The following ZZEF1 variants were observed in gnomAD, a reference collection of about 807,000 sequenced individuals.
ZZEF1 encodes zinc finger ZZ-type and EF-hand domain-containing protein 1.
Under a neutral mutation model 342.8 loss-of-function variants are expected in ZZEF1, and 157 were observed. The observed-to-expected ratio is 0.46, with a 90% CI of 0.40 to 0.52. The LOEUF is 0.52. ZZEF1 is among the 20% of genes least tolerant of loss of function. The pLI is 0.00. For missense variants in ZZEF1, 3,480 were observed against 3,725.6 expected (o/e 0.93, Z 1.72); for synonymous variants, 1,505 against 1,429.1 (o/e 1.05, Z -1.20).
At chr17:4,059,840 TATC>T (rs1194169987) in intron 30 of ZZEF1, among the ~76,000 whole-genome samples, 2 of 152,262 alleles carry the variant, frequency 1.3e-5, no homozygotes, top group Admixed American at 6.5e-5. Flanking sequence ...TGGACCTTGT[TATC>T]ATGTGATGAC....
At chr17:4,122,580 A>G (rs2058501663) in intron 2 of ZZEF1, among the ~76,000 whole-genome samples, 1 of 152,094 alleles carries the variant, frequency 6.6e-6, no homozygotes, top group Admixed American at 6.6e-5. Flanking sequence ...GAGTTTCTCC[A>G]TGTTGGTCAG....
Position 4,112,732 on chromosome 17 carries a change from G to A in ZZEF1, c.943C>T (p.Gln315Ter). 6.2e-7 allele frequency: 1 copy of A among 1,613,944 alleles called. No homozygotes were observed. Among genetic ancestry groups the A allele is most frequent in the South Asian group, 1.1e-5 (1 of 91,062 alleles). The change falls in exon 5 of 55, where the codon CAG (glutamine) becomes TAG (stop). Residue 315 changes from glutamine to a stop codon, truncating the protein, a stop_gained. Coordinates refer to ENST00000381638, the MANE Select transcript of ZZEF1 (RefSeq NM_015113.4). LOFTEE classifies it high-confidence loss of function. Reference protein sequence around the residue: ...VAATDQSYMPQQVTVAVGRNA... With the variant: ...VAATDQSYMP ...CTCCCTACAGCTACTGTCACCTGCT[G>A]TGGCATGTAGCTCTGGTCAGTGGCA... is the stretch of plus-strand genomic sequence containing the variant.
chr17:4,086,643 T>C lies in ZZEF1; in HGVS notation c.2355A>G (p.Glu785=). Residue 785 remains glutamate, a synonymous_variant, in exon 15 of 55, where the codon GAA becomes GAG. Transcript: ENST00000381638. The stretch of plus-strand genomic sequence containing the variant: ...GAAGCAGGGTTTGGGCAGAGACGCA[T>C]TCTTCCCTCGGGCTACAGAAAGACA... ...YSKLKQNPRE[E]CVSAQTLLLQ... 6.2e-7 allele frequency: 1 copy of C among 1,613,822 alleles called. No individual in the cohort carries two copies. The highest frequency in any genetic ancestry group is 2.2e-5 in the East Asian group (1 of 44,892).
rs573325919 is a variant in ZZEF1 at position 4,105,439 on chromosome 17, T to C, written c.1394+254A>G. Among the ~76,000 whole-genome samples the C allele has an allele frequency of 1.4e-4, 22 of 152,262 alleles. No homozygotes were observed. The South Asian group carries it at 4.1e-3, about 29-fold the overall frequency. Reference sequence around the variant, plus strand: ...GTTGGACTTTGAGACATCTGTTCTATCAGAATCACAGGACTACTCCCCTTG... The same window carrying C: ...GTTGGACTTTGAGACATCTGTTCTACCAGAATCACAGGACTACTCCCCTTG... On this transcript the variant is annotated intron_variant, in intron 7 of 54. Coordinates refer to ENST00000381638, the MANE Select transcript of ZZEF1 (RefSeq NM_015113.4).
Position 4,014,863 on chromosome 17 carries a change from G to A in ZZEF1, c.8146-348C>T, listed in dbSNP as rs546317610. On this transcript the variant is annotated intron_variant, in intron 49 of 54. Coordinates refer to ENST00000381638, the MANE Select transcript of ZZEF1 (RefSeq NM_015113.4). This position sits in a 1 kb window ranked among gnomAD's most constrained non-coding sequence, Gnocchi z 4.4. ...ATTTCAGACAGGGTAACAGCCCTGT[G>A]AAGGTCTAGCATGTTCAGGGAATGG... 6.6e-6 allele frequency among the ~76,000 whole-genome samples: 1 copy of A among 152,312 alleles called. No individual in the cohort carries two copies. Among genetic ancestry groups the A allele is most frequent in the African/African-American group, 2.4e-5 (1 of 41,566 alleles).
At position 4,070,816 on chromosome 17, in the gene ZZEF1, T is replaced by C; in HGVS notation, c.3943A>G (p.Ile1315Val). The part of the protein sequence containing the change: ...GPYSELFKGF[I>V]QACRKQAPKT... Reference sequence around the variant, plus strand: ...GGGGCCTGTTTTCTACATGCCTGTATGAATCCTTTGAAAAGTTCTGAATAT... The same window carrying C: ...GGGGCCTGTTTTCTACATGCCTGTACGAATCCTTTGAAAAGTTCTGAATAT... The change falls in exon 26 of 55, where the codon ATA (isoleucine) becomes GTA (valine). Residue 1315 changes from isoleucine to valine, a missense_variant. Around this residue, in one of 5 missense-constraint regions of ZZEF1, gnomAD observed 1,528 missense variants for 1,624.1 expected, o/e 0.94. Transcript: ENST00000381638. 1 of 1,614,190 alleles carries C rather than the reference T, an allele frequency of 6.2e-7. No individual in the cohort carries two copies. The highest frequency in any genetic ancestry group is 8.5e-7 in the Non-Finnish European group (1 of 1,180,046).
intron 43 of ZZEF1, 24 bp downstream of exon 43, chr17:4,024,895 C>A (rs1439246295): frequency 6.2e-7 from 1 of 1,611,328 alleles, no homozygotes; most frequent in Non-Finnish European, 8.5e-7. Flanking sequence ...AGATCCACTG[C>A]CAACTGGAGA....
In ZZEF1 at chr17:4,006,975, A is replaced by G. The variant is rs2144905586; in HGVS notation, c.8806-5T>C. On this transcript the variant is annotated splice_region_variant and splice_polypyrimidine_tract_variant and intron_variant, in intron 54 of 54. Transcript: ENST00000381638. ...GGCAGCAATGTTCTGCAGAGCCTGT[A>G]GAGGGAAAAAGAGTTGTCGCCAATG... The G allele has an allele frequency of 6.3e-7, 1 of 1,578,456 alleles. No individual in the cohort carries two copies. Among genetic ancestry groups the G allele is most frequent in the Non-Finnish European group, 8.6e-7 (1 of 1,160,816 alleles).
At chr17:4,087,825 C>CACACACACA (rs1016601880) in intron 13 of ZZEF1, among the ~76,000 whole-genome samples, 25 of 140,268 alleles carry the variant, frequency 1.8e-4, no homozygotes, top group African/African-American at 5.7e-4. Flanking sequence ...CACACACACA[C>CACACACACA]ATCCATGAAC....
intron 31 of ZZEF1, among the ~76,000 whole-genome samples, 186 bp from the exon 32 acceptor site, chr17:4,058,341 C>G (rs1452217306): frequency 2.0e-5 from 3 of 152,190 alleles, no homozygotes; most frequent in Non-Finnish European, 4.4e-5. Context: ...CAAAATAACT[C>G]TGAAAAGTGT....
chr17:4,043,103 C>T (rs1235367257), intron 38 of ZZEF1, among the ~76,000 whole-genome samples: 8 of 152,224 alleles, frequency 5.3e-5, no homozygotes, highest in Non-Finnish European at 1.0e-4. Flanking sequence ...CTCTTACCCC[C>T]GCCCTCCCCA....
Position 4,038,808 on chromosome 17 carries a change from AAAACAAAC to A in ZZEF1, c.6306+3613_6306+3620del, listed in dbSNP as rs148859871. Among the ~76,000 whole-genome samples the A allele has an allele frequency of 3.2e-3, 490 of 151,278 alleles. 12 individuals carry two copies. Among genetic ancestry groups the A allele is most frequent in the Admixed American group, 0.027 (404 of 15,206 alleles). ...GCAACAGAGCAAGACTCTGTCTCAA[AAAACAAAC>A]AAACAAACAAACAAACAAACAAAAA... On this transcript the variant is annotated intron_variant, in intron 39 of 54. Transcript: ENST00000381638.
At chr17:4,039,376 A>G (rs2056748296) in intron 39 of ZZEF1, among the ~76,000 whole-genome samples, 1 of 152,058 alleles carries the variant, frequency 6.6e-6, no homozygotes, top group Non-Finnish European at 1.5e-5. Flanking sequence ...GGGCTGAGGC[A>G]CAAGGATCGC....
intron 19 of ZZEF1, 97 bp from the exon 20 acceptor site, chr17:4,077,086 C>T (rs894746063): frequency 1.6e-6 from 2 of 1,232,262 alleles, no homozygotes; most frequent in Non-Finnish European, 2.1e-6. Flanking sequence ...CCAGAAGCTG[C>T]AGAGGGGGTT....
rs753936519 is a variant in ZZEF1, at chr17:4,017,492, A to G, written c.7880T>C (p.Leu2627Pro). Residue 2627 changes from leucine to proline, a missense_variant, in exon 48 of 55, where the codon CTC (leucine) becomes CCC (proline). Coordinates refer to ENST00000381638, the MANE Select transcript of ZZEF1 (RefSeq NM_015113.4). The surrounding 1 kb of genome is among the most constrained non-coding windows in gnomAD (Gnocchi z 5.1). ...TGGCACGTGGCTAGGCCACTCGGCG[A>G]GCAGGGATGCAAGCACGTGGCGGGC... ...LYARHVLASL[L>P]AEWPSHVPVS... 6.2e-7 allele frequency: 1 copy of G among 1,614,224 alleles called. No individual in the cohort carries two copies. Among genetic ancestry groups the G allele is most frequent in the Non-Finnish European group, 8.5e-7 (1 of 1,180,036 alleles).
intron 3 of ZZEF1, 88 bp downstream of exon 3, chr17:4,116,884 G>T: frequency 7.6e-7 from 1 of 1,323,470 alleles, no homozygotes; most frequent in Non-Finnish European, 1.0e-6. Context: ...AGAAATGAAG[G>T]CAGGGAAAAG....
chr17:4,062,973 G>T, intron 29 of ZZEF1, 56 bp from the exon 30 acceptor site: 2 of 1,541,656 alleles, frequency 1.3e-6, no homozygotes, highest in South Asian at 1.2e-5. Context: ...TGGGGCAGAC[G>T]GAAAATATCC....
At chr17:4,028,516 T>C (rs1370803171) in intron 42 of ZZEF1, among the ~76,000 whole-genome samples, 3 of 143,684 alleles carry the variant, frequency 2.1e-5, no homozygotes, top group Non-Finnish European at 4.5e-5. Context: ...ACCACTGCAC[T>C]CCAGCCTGGG....
chr17:4,105,601 G>A lies in ZZEF1; in HGVS notation c.1394+92C>T, dbSNP rs115034669. ...AAAGCAACCATTTTTAGTGGTGATCGTTAAAAGATTAATATATATTTTTTA... is the reference window on the plus strand; with the variant it reads ...AAAGCAACCATTTTTAGTGGTGATCATTAAAAGATTAATATATATTTTTTA... On this transcript the variant is annotated intron_variant, in intron 7 of 54. Transcript: ENST00000381638. 1.2e-3 allele frequency: 1,219 copies of A among 997,454 alleles called. 10 individuals are homozygous for A. Among genetic ancestry groups the A allele is most frequent in the African/African-American group, 0.012 (689 of 59,660 alleles). The allele number at this position is 997,454 out of a possible 1,614,324, so 61.8% of individuals were successfully genotyped here.
Sources: gnomAD v4.1 joint callset for allele counts (sites outside exome capture counted in the v4.1 genomes callset) on GRCh38, gnomAD v4.1.1 for gene constraint, gnomAD v4.1.1 regional missense constraint, Gnocchi (gnomAD v3.1) non-coding constraint, MANE v1.5 for transcripts, NCBI Gene and HGNC (gene_info 2026-07-23, HGNC 2026-07-21) for gene names.